MERTK: variants seen among roughly 807,000 people sequenced by gnomAD.
MERTK encodes MER proto-oncogene, tyrosine kinase.
In MERTK, 69 loss-of-function variants were observed where a neutral mutation model predicts 99.3. That is an observed-to-expected ratio of 0.70 (90% CI 0.57 to 0.85). The LOEUF (loss-of-function observed/expected upper bound fraction) is 0.85. Among genes scored for constraint, MERTK ranks in the 40% least tolerant of loss-of-function variants. The pLI, the probability that MERTK is intolerant of heterozygous loss-of-function variation, is 0.00. For synonymous variants in MERTK, 426 were observed against 467.6 expected (o/e 0.91, Z 1.15); for missense variants, 1,125 against 1,249.4 (o/e 0.90, Z 1.50).
At chr2:111,948,581 T>C (rs909714294) in intron 4 of MERTK, among the ~76,000 whole-genome samples, 8 of 152,198 alleles carry the variant, frequency 5.3e-5, no homozygotes, top group African/African-American at 1.7e-4. Flanking sequence ...TCCAGAATTC[T>C]CCATCTTAGT....
intron 4 of MERTK, among the ~76,000 whole-genome samples, chr2:111,955,694 G>A (rs745409110): frequency 6.6e-6 from 1 of 152,050 alleles, no homozygotes; most frequent in African/African-American, 2.4e-5. Flanking sequence ...GGTAAAGCTG[G>A]GTGAAGGATG....
chr2:111,939,934 C>T (rs1684831543), intron 2 of MERTK, among the ~76,000 whole-genome samples: 1 of 151,878 alleles, frequency 6.6e-6, no homozygotes. Flanking sequence ...TACTGATATT[C>T]ATTTATTTAT....
At chr2:111,969,760 C>T (rs1413233905) in intron 6 of MERTK, among the ~76,000 whole-genome samples, 1 of 149,034 alleles carries the variant, frequency 6.7e-6, no homozygotes, top group Non-Finnish European at 1.5e-5. Flanking sequence ...GGCGCGATCT[C>T]AGCTCACTGC....
chr2:111,948,759 A>G (rs1186935750), intron 4 of MERTK, among the ~76,000 whole-genome samples: 1 of 152,010 alleles, frequency 6.6e-6, no homozygotes, highest in Non-Finnish European at 1.5e-5. Context: ...CCTCTGCAGT[A>G]GCTTCCTAAC....
At chr2:111,926,617 C>G (rs1684573151) in intron 1 of MERTK, among the ~76,000 whole-genome samples, 1 of 152,168 alleles carries the variant, frequency 6.6e-6, no homozygotes, top group Non-Finnish European at 1.5e-5. Flanking sequence ...GTCCCAGCTA[C>G]TCAGGAGGCT....
intron 7 of MERTK, among the ~76,000 whole-genome samples, chr2:111,982,122 C>T (rs1451785182): frequency 6.6e-6 from 1 of 150,884 alleles, no homozygotes; most frequent in African/African-American, 2.4e-5. Context: ...TGCAGTGGTG[C>T]AATTACGGCT....
chr2:111,973,800 A>T (rs2104731879), intron 6 of MERTK, among the ~76,000 whole-genome samples: 1 of 152,154 alleles, frequency 6.6e-6, no homozygotes, highest in South Asian at 2.1e-4. Context: ...GAGGAAAGAG[A>T]TGGAAGTTTC....
At chr2:111,923,038 C>T (rs1311214161) in intron 1 of MERTK, among the ~76,000 whole-genome samples, 1 of 152,228 alleles carries the variant, frequency 6.6e-6, no homozygotes, top group Non-Finnish European at 1.5e-5. Context: ...CAAGTTCTGT[C>T]TCCAGCCACA....
Position 111,944,999 on chromosome 2 carries a change from C to G in MERTK, c.522C>G (p.Ile174Met), listed in dbSNP as rs1433036215. 6.2e-7 allele frequency: 1 copy of G among 1,613,698 alleles called. No homozygotes were observed. The highest frequency in any genetic ancestry group is 8.5e-7 in the Non-Finnish European group (1 of 1,179,848). The change falls in exon 3 of 19, where the codon ATC (isoleucine) becomes ATG (methionine). Residue 174 changes from isoleucine (I) to methionine (M), a missense_variant. By Grantham distance (10) the Ile-to-Met change is conservative. Coordinates refer to ENST00000295408, the MANE Select transcript of MERTK (RefSeq NM_006343.3). ...SVQRSDNGSY[I>M]CKMKINNEEI... ...AGCGTTCAGACAATGGGTCGTATAT[C>G]TGTAAGATGAAAATAAACAATGAAG...
intron 1 of MERTK, among the ~76,000 whole-genome samples, chr2:111,919,770 T>C (rs1377837058): frequency 1.3e-5 from 2 of 151,680 alleles, no homozygotes; most frequent in Non-Finnish European, 2.9e-5. Context: ...CTGCTCATTT[T>C]GTTTTTTGAT....
chr2:112,017,447 T>C (rs537798459), intron 15 of MERTK, among the ~76,000 whole-genome samples: 1 of 152,186 alleles, frequency 6.6e-6, no homozygotes, highest in East Asian at 1.9e-4. Context: ...CTGGCCAACA[T>C]GGAGAAACCC....
chr2:111,922,868 A>G (rs2104679269), intron 1 of MERTK, among the ~76,000 whole-genome samples: 1 of 152,338 alleles, frequency 6.6e-6, no homozygotes, highest in African/African-American at 2.4e-5. Context: ...GCAAGGATTC[A>G]TGGATTTGAG....
chr2:112,013,376 T>TA (rs1677148256), intron 15 of MERTK: 1 of 154,314 alleles, frequency 6.5e-6, no homozygotes, highest in Non-Finnish European at 1.5e-5. Flanking sequence ...TGTAAAAGGA[T>TA]AAAAAATTAC....
chr2:111,997,271 A>G (rs1676766302), intron 9 of MERTK, 52 bp from the exon 10 acceptor site: 1 of 1,579,040 alleles, frequency 6.3e-7, no homozygotes, highest in East Asian at 2.2e-5. Context: ...GTTACAAGCC[A>G]GTGTTTCTCA....
At chr2:111,937,510 CCATCTCCATG>C (rs964577852) in intron 2 of MERTK, among the ~76,000 whole-genome samples, 2 of 152,118 alleles carry the variant, frequency 1.3e-5, no homozygotes, top group South Asian at 2.1e-4. Context: ...TTTGGGGCCC[CCATCTCCATG>C]CATCTCCATG....
intron 2 of MERTK, among the ~76,000 whole-genome samples, chr2:111,941,333 A>G (rs976477454): frequency 6.6e-6 from 1 of 152,082 alleles, no homozygotes; most frequent in Non-Finnish European, 1.5e-5. Flanking sequence ...TCTTCACCTC[A>G]TCTTAGAGTT....
intron 2 of MERTK, among the ~76,000 whole-genome samples, chr2:111,943,738 A>G (rs1293280508): frequency 1.3e-5 from 2 of 152,276 alleles, no homozygotes; most frequent in East Asian, 3.9e-4. Flanking sequence ...TCTAAACAGG[A>G]CAAAGGCTAC....
At chr2:111,968,025 C>G (rs1685391104) in intron 5 of MERTK, 112 bp from the exon 6 acceptor site, 1 of 780,900 alleles carries the variant, frequency 1.3e-6, no homozygotes, top group South Asian at 1.4e-5. Context: ...TTTCCCTTTA[C>G]TAATCTCAAG....
chr2:111,930,910 G>A (rs535872139), intron 2 of MERTK, among the ~76,000 whole-genome samples: 13 of 152,204 alleles, frequency 8.5e-5, no homozygotes, highest in East Asian at 7.7e-4. Flanking sequence ...ACTTCGTTGC[G>A]TGCACAGTTT....
Sources: allele counts gnomAD v4.1 joint callset (sites outside exome capture counted in the v4.1 genomes callset), GRCh38; gene constraint gnomAD v4.1.1; transcripts MANE v1.5; gene names NCBI Gene and HGNC (gene_info 2026-07-23, HGNC 2026-07-21).